Variants in RGS22 observed in about 807,000 individuals in gnomAD.
RGS22 encodes regulator of G-protein signaling 22.
Under a neutral mutation model 172.9 loss-of-function variants are expected in RGS22, and 148 were observed. That is an observed-to-expected ratio of 0.86 (90% CI 0.75 to 0.98). The LOEUF is 0.98. Ranked by LOEUF, RGS22 falls within the 50% of genes least tolerant of loss-of-function variation. The pLI is 0.00. For synonymous variants in RGS22, 458 were observed against 480.2 expected (o/e 0.95, Z 0.60); for missense variants, 1,347 against 1,440.8 (o/e 0.93, Z 1.05).
At chr8:100,056,887 A>T (rs1206696141) in intron 9 of RGS22, among the ~76,000 whole-genome samples, 1 of 152,172 alleles carries the variant, frequency 6.6e-6, no homozygotes, top group Non-Finnish European at 1.5e-5. Flanking sequence ...GAGCTGTGAG[A>T]AGAGGGCCAC....
Position 100,003,953 on chromosome 8 carries a change from C to T in RGS22, c.2600G>A (p.Arg867His), listed in dbSNP as rs767184037. 2.6e-5 allele frequency: 42 copies of T among 1,606,914 alleles called. No individual in the cohort carries two copies. In the East Asian group the frequency reaches 3.4e-4, roughly 13 times the overall value. ...LNNKLEFEHF[R>H]QFLETHSSSM... Reference sequence around the variant, plus strand: ...TGAAGAATGAGTCTCAAGAAACTGACGGAAATGTTCAAACTCCAGTTTGTT... The same window carrying T: ...TGAAGAATGAGTCTCAAGAAACTGATGGAAATGTTCAAACTCCAGTTTGTT... Residue 867 changes from arginine (R) to histidine (H), a missense_variant, in exon 17 of 28, where the codon CGT becomes CAT. Physicochemically the swap from Arg to His is conservative, Grantham distance 29 (BLOSUM62 0). Coordinates refer to ENST00000360863, the MANE Select transcript of RGS22 (RefSeq NM_015668.5).
chr8:99,978,245 A>G (rs1044088567), intron 22 of RGS22, among the ~76,000 whole-genome samples, 170 bp from the exon 23 acceptor site: 2 of 152,156 alleles, frequency 1.3e-5, no homozygotes, highest in African/African-American at 2.4e-5. Context: ...CTTATCATCA[A>G]TGGTTTTTAT....
intron 10 of RGS22, among the ~76,000 whole-genome samples, chr8:100,051,468 A>T (rs1821302230): frequency 9.5e-6 from 1 of 105,152 alleles, no homozygotes; most frequent in Admixed American, 1.4e-4. Context: ...ATATATAAAT[A>T]TATATTATAT....
At chr8:100,096,791 G>A (rs2132023000) in intron 2 of RGS22, among the ~76,000 whole-genome samples, 1 of 149,774 alleles carries the variant, frequency 6.7e-6, no homozygotes, top group East Asian at 2.0e-4. Context: ...TTACAAGCAT[G>A]AGCCAACACA....
chr8:99,986,274 T>C (rs1450514908), intron 21 of RGS22, among the ~76,000 whole-genome samples: 2 of 152,174 alleles, frequency 1.3e-5, no homozygotes, highest in South Asian at 4.1e-4. Context: ...CTGAGAATAG[T>C]ACAAAAACTG....
intron 2 of RGS22, among the ~76,000 whole-genome samples, chr8:100,098,040 T>G (rs556065826): frequency 6.6e-6 from 1 of 152,352 alleles, no homozygotes; most frequent in African/African-American, 2.4e-5. Flanking sequence ...CTGATTATTC[T>G]GCCCAGAAAA....
At position 100,105,979 on chromosome 8, in the gene RGS22, G is replaced by T; in HGVS notation, c.-58C>A. ...CGGGCCGTCAGGGCCCTAGCGCGCGGGTCCAGCGCGGGTCAGGGCCTGAGC... is the reference window on the plus strand; with the variant it reads ...CGGGCCGTCAGGGCCCTAGCGCGCGTGTCCAGCGCGGGTCAGGGCCTGAGC... On this transcript the variant is annotated 5_prime_UTR_variant, in exon 1 of 28. Transcript: ENST00000360863. 6 of 1,334,700 alleles carry T rather than the reference G, an allele frequency of 4.5e-6. No homozygotes were observed. Among genetic ancestry groups the T allele is most frequent in the Non-Finnish European group, 5.7e-6 (6 of 1,047,436 alleles). 82.7% of individuals were successfully genotyped at this position (1,334,700 alleles called of 1,614,324 possible). A position where few individuals can be genotyped will look rare whatever the true frequency, so the allele number is the denominator to read the frequency against.
At chr8:100,005,827 T>C (rs1312407119) in intron 16 of RGS22, among the ~76,000 whole-genome samples, 190 bp downstream of exon 16, 1 of 152,188 alleles carries the variant, frequency 6.6e-6, no homozygotes, top group African/African-American at 2.4e-5. Flanking sequence ...TTTGTTTTTC[T>C]GGCTCTCTTG....
chr8:100,074,466 C>A (rs1208807827), intron 4 of RGS22, among the ~76,000 whole-genome samples: 3 of 152,248 alleles, frequency 2.0e-5, no homozygotes, highest in Admixed American at 6.5e-5. Context: ...AACCACTGAT[C>A]TGTTCCGTAG....
intron 3 of RGS22, among the ~76,000 whole-genome samples, chr8:100,081,977 T>C (rs1490879967): frequency 1.3e-5 from 2 of 148,656 alleles, no homozygotes; most frequent in Non-Finnish European, 3.0e-5. Context: ...GCTGTGATAA[T>C]CCAACGCAAA....
chr8:100,063,786 T>C lies in RGS22; in HGVS notation c.982A>G (p.Ile328Val), dbSNP rs778772647. 6.2e-7 allele frequency: 1 copy of C among 1,614,082 alleles called. No homozygotes were observed. Among genetic ancestry groups the C allele is most frequent in the Non-Finnish European group, 8.5e-7 (1 of 1,179,998 alleles). Reference protein sequence around the residue: ...SYIYFILRGAIQQIVGKPVGE... With the variant: ...SYIYFILRGAVQQIVGKPVGE... ...ACTGGCTTTCCAACAATTTGCTGAA[T>C]TGCTCCTCTCAAAATAAAGTATATA... Residue 328 changes from isoleucine (I) to valine (V), a missense_variant, in exon 8 of 28, where the codon ATT (isoleucine) becomes GTT (valine). Ile to Val is a conservative substitution (Grantham distance 29, BLOSUM62 3). Transcript: ENST00000360863.
chr8:99,962,335 T>A, intron 27 of RGS22, 59 bp downstream of exon 27: 1 of 1,066,976 alleles, frequency 9.4e-7, no homozygotes. Flanking sequence ...TGCATGTACA[T>A]GAATGAGTGT....
chr8:99,977,698 A>G (rs1812126415), intron 23 of RGS22, among the ~76,000 whole-genome samples: 1 of 152,206 alleles, frequency 6.6e-6, no homozygotes, highest in Admixed American at 6.5e-5. Context: ...TTGCGTTGCC[A>G]CAGAGAGTCA....
chr8:99,983,708 G>A (rs1303937049), intron 21 of RGS22, among the ~76,000 whole-genome samples: 5 of 152,050 alleles, frequency 3.3e-5, no homozygotes, highest in African/African-American at 1.2e-4. Flanking sequence ...CTCAAATTAT[G>A]GCATTTCTCT....
intron 23 of RGS22, 69 bp from the exon 24 acceptor site, chr8:99,965,499 A>C: frequency 8.6e-7 from 1 of 1,159,046 alleles, no homozygotes; most frequent in Non-Finnish European, 1.3e-6. Flanking sequence ...CTTATGGCTA[A>C]GGAGTTATAA....
At chr8:99,988,871 C>T (rs1813389157) in intron 20 of RGS22, among the ~76,000 whole-genome samples, 1 of 152,072 alleles carries the variant, frequency 6.6e-6, no homozygotes, top group South Asian at 2.1e-4. Flanking sequence ...AAGACCCCCA[C>T]CATATGGTCC....
intron 20 of RGS22, among the ~76,000 whole-genome samples, chr8:99,989,430 A>G (rs1330600832): frequency 1.3e-5 from 2 of 152,180 alleles, no homozygotes; most frequent in African/African-American, 4.8e-5. Context: ...TTTGCTTTTA[A>G]TATTTTTATT....
intron 21 of RGS22, among the ~76,000 whole-genome samples, chr8:99,984,518 A>C (rs1463551436): frequency 1.3e-5 from 2 of 152,078 alleles, no homozygotes; most frequent in African/African-American, 2.4e-5. Context: ...GAGTTTAAGC[A>C]TACTTTCCTC....
intron 6 of RGS22, among the ~76,000 whole-genome samples, chr8:100,066,742 C>T (rs1810560552): frequency 6.6e-6 from 1 of 152,152 alleles, no homozygotes; most frequent in African/African-American, 2.4e-5. Flanking sequence ...ACTGCTCCCC[C>T]AGTATGACAG....
Sources: allele counts gnomAD v4.1 joint callset (sites outside exome capture counted in the v4.1 genomes callset), GRCh38; gene constraint gnomAD v4.1.1; transcripts MANE v1.5; gene names NCBI Gene and HGNC (gene_info 2026-07-23, HGNC 2026-07-21).